Variants in NUP93 observed in about 807,000 individuals in gnomAD.
NUP93 encodes nucleoporin 93, also known as nuclear pore complex protein Nup93.
A neutral mutation model predicts 107.8 loss-of-function variants in NUP93; 55 were observed. That is an observed-to-expected ratio of 0.51 (90% CI 0.41 to 0.64). The LOEUF is 0.64. Ranked by LOEUF, NUP93 falls within the 30% of genes least tolerant of loss-of-function variation. The pLI, the probability that NUP93 is intolerant of heterozygous loss-of-function variation, is 0.00. For missense variants in NUP93, 937 were observed against 1,044.7 expected, an observed-to-expected ratio of 0.90 and a Z score of 1.42; for synonymous variants, 390 against 397.5, an observed-to-expected ratio of 0.98 and a Z score of 0.22.
intron 3 of NUP93, among the ~76,000 whole-genome samples, chr16:56,765,505 T>C (rs1289593902): frequency 6.6e-6 from 1 of 152,198 alleles, no homozygotes; most frequent in Non-Finnish European, 1.5e-5. Flanking sequence ...CAAAGTCTGT[T>C]AGTTGAAGAG....
At chr16:56,825,634 C>T (rs183928039) in intron 8 of NUP93, among the ~76,000 whole-genome samples, 2 of 152,060 alleles carry the variant, frequency 1.3e-5, no homozygotes, top group African/African-American at 4.8e-5. Flanking sequence ...GGGCTGCTTT[C>T]CTTGGTTTTA....
intron 3 of NUP93, among the ~76,000 whole-genome samples, chr16:56,789,325 A>G (rs188316779): frequency 2.4e-3 from 371 of 152,374 alleles, no homozygotes; most frequent in Admixed American, 7.2e-3. Flanking sequence ...GAGAACTTAT[A>G]GACCATTCTG....
intron 3 of NUP93, among the ~76,000 whole-genome samples, chr16:56,778,174 C>T (rs1437583466): frequency 1.3e-5 from 2 of 152,108 alleles, no homozygotes; most frequent in East Asian, 1.9e-4. Flanking sequence ...CGGTTAATAA[C>T]GAATGAATTC....
chr16:56,820,856 A>G (rs1327878012), intron 6 of NUP93, among the ~76,000 whole-genome samples: 1 of 152,178 alleles, frequency 6.6e-6, no homozygotes, highest in Non-Finnish European at 1.5e-5. Context: ...TCACTTCCCT[A>G]CCAGGACTTA....
In NUP93 at chr16:56,849,703, G is replaced by A. The variant is rs1191237110; in HGVS notation, c.*5094G>A. 2.6e-5 allele frequency: 4 copies of A among 152,238 alleles called. No individual in the cohort carries two copies. The highest frequency in any genetic ancestry group is 1.9e-4 in the East Asian group (1 of 5,198). The allele number at this position is 152,238 out of a possible 1,614,324, so 9.4% of individuals were successfully genotyped here. A position where few individuals can be genotyped will look rare whatever the true frequency, so the allele number is the denominator to read the frequency against. On this transcript the variant is annotated 3_prime_UTR_variant, in exon 22 of 22. Transcript: ENST00000308159. ...AACAGTGAAGAAGTTCCTAGTGTAA[G>A]TATGTCCCAGTTCTATGTGGCTGCC...
At chr16:56,737,199 G>T (rs895066380) in intron 1 of NUP93, among the ~76,000 whole-genome samples, 2 of 152,230 alleles carry the variant, frequency 1.3e-5, no homozygotes, top group South Asian at 4.1e-4. Context: ...GAGGCTGGAA[G>T]TCCGAGATCA....
At chr16:56,792,199 CAAAA>C (rs758413690) in intron 3 of NUP93, among the ~76,000 whole-genome samples, 2 of 151,626 alleles carry the variant, frequency 1.3e-5, no homozygotes, top group Non-Finnish European at 2.9e-5. Context: ...AAAAAACAAA[CAAAA>C]AAACAAAAAA....
chr16:56,769,635 G>T (rs1962284003), intron 3 of NUP93, among the ~76,000 whole-genome samples: 1 of 152,188 alleles, frequency 6.6e-6, no homozygotes, highest in Non-Finnish European at 1.5e-5. Context: ...GCAGCTTTTA[G>T]TTTCAAAATG....
rs148060917 is a variant in NUP93, at chr16:56,825,616, A to G, written c.794+1770A>G. 1.9e-3 allele frequency among the ~76,000 whole-genome samples: 292 copies of G among 152,204 alleles called. 1 individual carries two copies. Among genetic ancestry groups the G allele is most frequent in the African/African-American group, 5.8e-3 (240 of 41,508 alleles). On this transcript the variant is annotated intron_variant, in intron 8 of 21. Transcript: ENST00000308159. ...TTAACATTGGTCCTTGACTTCACCA[A>G]TGGTACTGGGCTGCTTTCCTTGGTT... is the stretch of plus-strand genomic sequence containing the variant.
At chr16:56,826,808 G>C (rs1963670754) in intron 8 of NUP93, among the ~76,000 whole-genome samples, 1 of 151,702 alleles carries the variant, frequency 6.6e-6, no homozygotes, top group South Asian at 2.1e-4. Context: ...AGCACTTTGA[G>C]AGGCCGAGGC....
intron 3 of NUP93, among the ~76,000 whole-genome samples, chr16:56,797,120 A>G (rs1962917825): frequency 1.3e-5 from 2 of 149,910 alleles, no homozygotes; most frequent in African/African-American, 4.9e-5. Flanking sequence ...AAATACAAAA[A>G]CTAGCAGGGT....
chr16:56,845,126 A>G lies in NUP93; in HGVS notation c.*517A>G, dbSNP rs1964100724. ...CCTCTAGAGAGTGTGACTTAAGTCC[A>G]GATGGTCCAAGACCATCCCCCAAAT... On this transcript the variant is annotated 3_prime_UTR_variant, in exon 22 of 22. Transcript: ENST00000308159. 5.2e-6 allele frequency: 1 copy of G among 193,826 alleles called. No homozygotes were observed. The highest frequency in any genetic ancestry group is 6.1e-5 in the Admixed American group (1 of 16,352). 12.0% of individuals were successfully genotyped at this position (193,826 alleles called of 1,614,324 possible).
chr16:56,831,337 C>A (rs4784730), intron 10 of NUP93, among the ~76,000 whole-genome samples: 72,564 of 152,058 alleles, frequency 0.48, 17,753 homozygotes, highest in East Asian at 0.69. Flanking sequence ...GGCAGCATTA[C>A]TAATGTCATA....
chr16:56,779,670 C>CA (rs1306745963), intron 3 of NUP93, among the ~76,000 whole-genome samples: 1 of 152,168 alleles, frequency 6.6e-6, no homozygotes, highest in Non-Finnish European at 1.5e-5. Context: ...GCCAGCCACT[C>CA]ATCTAGTTTC....
At chr16:56,768,561 C>G (rs1962257088) in intron 3 of NUP93, among the ~76,000 whole-genome samples, 1 of 148,126 alleles carries the variant, frequency 6.8e-6, no homozygotes, top group South Asian at 2.1e-4. Flanking sequence ...AAAACTCTGT[C>G]TCAAAAAAAA....
intron 6 of NUP93, 120 bp downstream of exon 6, chr16:56,818,858 G>C (rs1963488478): frequency 4.0e-6 from 3 of 756,994 alleles, no homozygotes; most frequent in Admixed American, 2.7e-5. Flanking sequence ...TTTTCATTTA[G>C]AGAACTAGTT....
Position 56,847,031 on chromosome 16 carries a change from C to T in NUP93, c.*2422C>T, listed in dbSNP as rs1180028012. The T allele has an allele frequency of 6.6e-6, 1 of 152,242 alleles. No homozygotes were observed. Among genetic ancestry groups the T allele is most frequent in the African/African-American group, 2.4e-5 (1 of 41,444 alleles). The allele number at this position is 152,242 out of a possible 1,614,324, so 9.4% of individuals were successfully genotyped here. On this transcript the variant is annotated 3_prime_UTR_variant, in exon 22 of 22. Coordinates refer to ENST00000308159, the MANE Select transcript of NUP93 (RefSeq NM_014669.5). ...GGGAGAGAAGCAGCCAGACCTTGAG[C>T]TGCTCTGCTAGGGGAGCTGTGAGTT...
intron 5 of NUP93, among the ~76,000 whole-genome samples, chr16:56,815,808 A>G (rs1186751235): frequency 6.6e-6 from 1 of 151,438 alleles, no homozygotes; most frequent in Non-Finnish European, 1.5e-5. Context: ...AGGCAGCAGT[A>G]TGCTCCAGGT....
At chr16:56,778,121 G>A (rs1045284926) in intron 3 of NUP93, among the ~76,000 whole-genome samples, 3 of 152,198 alleles carry the variant, frequency 2.0e-5, no homozygotes, top group South Asian at 4.1e-4. Flanking sequence ...GAATGAGAGC[G>A]ACACAGGATT....
Sources: allele counts gnomAD v4.1 joint callset (sites outside exome capture counted in the v4.1 genomes callset), GRCh38; gene constraint gnomAD v4.1.1; transcripts MANE v1.5; gene names NCBI Gene and HGNC (gene_info 2026-07-23, HGNC 2026-07-21).